Variants in MTAP observed in about 807,000 individuals in gnomAD.
The protein encoded by MTAP is methylthioadenosine phosphorylase.
A neutral mutation model predicts 33.6 loss-of-function variants in MTAP; 33 were observed. The observed-to-expected ratio is 0.98, with a 90% CI of 0.74 to 1.31. The LOEUF is 1.31. MTAP is among the 40% of genes most tolerant of loss of function. The pLI is 0.00. For synonymous variants in MTAP, 148 were observed against 125.7 expected, an observed-to-expected ratio of 1.18 and a Z score of -1.19; for missense variants, 367 against 360.0, an observed-to-expected ratio of 1.02 and a Z score of -0.16.
At chr9:21,805,057 C>T (rs1200727260) in intron 1 of MTAP, among the ~76,000 whole-genome samples, 2 of 152,222 alleles carry the variant, frequency 1.3e-5, no homozygotes, top group Non-Finnish European at 2.9e-5. Flanking sequence ...GTATAGGAGG[C>T]ACATGTGTGT....
chr9:21,870,756 A>G (rs895243531), downstream of MTAP, among the ~76,000 whole-genome samples: 4 of 150,928 alleles, frequency 2.7e-5, no homozygotes, highest in African/African-American at 9.7e-5. Flanking sequence ...GTACATCTCA[A>G]TTCAGAGGTT....
chr9:21,912,636 A>G (rs1206690387), intron 1 of MTAP, among the ~76,000 whole-genome samples: 2 of 152,190 alleles, frequency 1.3e-5, no homozygotes, highest in African/African-American at 4.8e-5. Flanking sequence ...TGTATCTCAA[A>G]ATAATAAGAG....
chr9:21,928,833 C>T (rs1563874193), intron 1 of MTAP, among the ~76,000 whole-genome samples: 1 of 151,784 alleles, frequency 6.6e-6, no homozygotes, highest in Admixed American at 6.6e-5. Flanking sequence ...AGCAATTAAG[C>T]CCCTTTGAGA....
At chr9:21,836,014 C>T (rs1332858977) in intron 4 of MTAP, among the ~76,000 whole-genome samples, 1 of 152,122 alleles carries the variant, frequency 6.6e-6, no homozygotes, top group Non-Finnish European at 1.5e-5. Flanking sequence ...GGGCTACCCT[C>T]TTTGCTTGCA....
intron 5 of MTAP, among the ~76,000 whole-genome samples, chr9:21,847,801 A>G (rs1461708224): frequency 6.6e-6 from 1 of 152,242 alleles, no homozygotes; most frequent in Admixed American, 6.5e-5. Flanking sequence ...CTGTAGAGAA[A>G]GAGCTGAAAT....
chr9:21,884,980 G>A (rs563790901), intron 1 of MTAP, among the ~76,000 whole-genome samples: 4 of 152,188 alleles, frequency 2.6e-5, no homozygotes, highest in Non-Finnish European at 4.4e-5. Flanking sequence ...TTAGAAGGGA[G>A]GGAAAGGGTT....
chr9:21,889,967 T>C (rs559219304), intron 1 of MTAP, among the ~76,000 whole-genome samples: 2 of 152,258 alleles, frequency 1.3e-5, no homozygotes, highest in Admixed American at 1.3e-4. Context: ...CATGTAACTA[T>C]TCAGGTTTCT....
chr9:21,878,129 A>G (rs1484374061), intron 1 of MTAP, among the ~76,000 whole-genome samples: 1 of 151,968 alleles, frequency 6.6e-6, no homozygotes, highest in Non-Finnish European at 1.5e-5. Context: ...TCTGTTTCCT[A>G]GTTGTGTTCA....
chr9:21,890,539 G>A (rs1818184305), intron 1 of MTAP, among the ~76,000 whole-genome samples: 1 of 152,134 alleles, frequency 6.6e-6, no homozygotes, highest in Non-Finnish European at 1.5e-5. Flanking sequence ...GGTTCTTTCC[G>A]AATTCCACTG....
chr9:21,896,506 G>T (rs1023217516), intron 1 of MTAP, among the ~76,000 whole-genome samples: 2 of 151,866 alleles, frequency 1.3e-5, no homozygotes, highest in Non-Finnish European at 2.9e-5. Flanking sequence ...TAATAAAGAA[G>T]AAAAGAGAGA....
intron 1 of MTAP, among the ~76,000 whole-genome samples, chr9:21,814,711 C>T (rs1587201439): frequency 6.6e-6 from 1 of 152,028 alleles, no homozygotes; most frequent in South Asian, 2.1e-4. Flanking sequence ...TTAAAAAAAA[C>T]TTATAACTAC....
intron 1 of MTAP, among the ~76,000 whole-genome samples, chr9:21,878,462 ATCTT>A (rs1201297470): frequency 6.6e-6 from 1 of 151,712 alleles, no homozygotes; most frequent in Non-Finnish European, 1.5e-5. Context: ...TTAATTTGAG[ATCTT>A]TCTAACTTTT....
chr9:21,857,476 C>A (rs1345360234), intron 6 of MTAP, among the ~76,000 whole-genome samples: 1 of 152,108 alleles, frequency 6.6e-6, no homozygotes, highest in African/African-American at 2.4e-5. Context: ...AAGATGTAAT[C>A]CTTGTGTCCC....
At position 21,922,075 on chromosome 9, in the gene MTAP, G is replaced by T. The variant is rs549742699; in HGVS notation, c.148-8933G>T. ...AATATATGGAAAACACTTGAAGCCG[G>T]TGGCCAACAGCTTCCCAATAAGGAG... On this transcript the variant is annotated intron_variant, in intron 1 of 1. Coordinates refer to the MTAP transcript ENST00000577563. The surrounding 1 kb of genome is among the most constrained non-coding windows in gnomAD (Gnocchi z 4.8). 2.7e-4 allele frequency among the ~76,000 whole-genome samples: 41 copies of T among 152,088 alleles called. No homozygotes were observed. Among genetic ancestry groups the T allele is most frequent in the Non-Finnish European group, 5.4e-4 (37 of 68,034 alleles).
At chr9:21,856,977 G>A (rs528221185) in intron 6 of MTAP, among the ~76,000 whole-genome samples, 14 of 152,194 alleles carry the variant, frequency 9.2e-5, no homozygotes, top group Non-Finnish European at 1.9e-4. Flanking sequence ...AAGATTACTG[G>A]AAGAATTAAA....
At chr9:21,903,721 G>A (rs1163720258) in intron 1 of MTAP, among the ~76,000 whole-genome samples, 2 of 152,178 alleles carry the variant, frequency 1.3e-5, no homozygotes, top group African/African-American at 4.8e-5. Context: ...CATGCGATGA[G>A]GGAGTGGCTC....
rs1327961788 is a variant in MTAP, at chr9:21,882,962, C to T, written c.147+28092C>T. On this transcript the variant is annotated intron_variant, in intron 1 of 1. Coordinates refer to the MTAP transcript ENST00000577563. ...AGAGGGAAATTTATAGTTTTTAATG[C>T]TTATTTTCAAAAAGAAAAAAAATTA... 1.5e-4 allele frequency among the ~76,000 whole-genome samples: 23 copies of T among 150,306 alleles called. 1 individual carries two copies. The highest frequency in any genetic ancestry group is 1.5e-3 in the Admixed American group (23 of 15,050).
intron 2 of MTAP, 121 bp from the exon 3 acceptor site, chr9:21,816,593 T>A (rs998890688): frequency 1.0e-5 from 8 of 764,360 alleles, no homozygotes; most frequent in Non-Finnish European, 1.7e-5. Flanking sequence ...ATCTTGCCTC[T>A]TCTCTAAGTT....
At chr9:21,880,217 G>A (rs1039378953) in intron 1 of MTAP, among the ~76,000 whole-genome samples, 1 of 152,104 alleles carries the variant, frequency 6.6e-6, no homozygotes. Context: ...AGCTAAGTTA[G>A]CACACTTGTT....
Sources: allele counts gnomAD v4.1 joint callset (sites outside exome capture counted in the v4.1 genomes callset), GRCh38; gene constraint gnomAD v4.1.1; non-coding constraint Gnocchi (gnomAD v3.1); transcripts MANE v1.5; gene names NCBI Gene and HGNC (gene_info 2026-07-23, HGNC 2026-07-21).